HORMAD1: variants seen among roughly 807,000 people sequenced by gnomAD.
HORMAD1 encodes HORMA domain containing 1.
Under a neutral mutation model 58.2 loss-of-function variants are expected in HORMAD1, and 33 were observed. That is an observed-to-expected ratio of 0.57 (90% CI 0.43 to 0.76). The LOEUF (loss-of-function observed/expected upper bound fraction) is 0.76. Ranked by LOEUF, HORMAD1 falls within the 30% of genes least tolerant of loss-of-function variation. HORMAD1 has a pLI of 0.00. For missense variants in HORMAD1, 363 were observed against 462.0 expected (o/e 0.79, Z 1.96); for synonymous variants, 137 against 144.6 (o/e 0.95, Z 0.38).
In HORMAD1 at chr1:150,703,459, A is replaced by G. The variant is rs60914460; in HGVS notation, c.949-66T>C. On this transcript the variant is annotated intron_variant, in intron 12 of 14. Coordinates refer to ENST00000361824, the MANE Select transcript of HORMAD1 (RefSeq NM_032132.5). ...ATAAAACCTTTTCATAACACAATAA[A>G]TGGGGTCCAAAAATTTAACCACATA... 5.1e-3 allele frequency: 4,261 copies of G among 839,868 alleles called. 126 individuals are homozygous for G. The African/African-American group carries it at 0.066, about 13-fold the overall frequency. The allele number at this position is 839,868 out of a possible 1,614,324, so 52.0% of individuals were successfully genotyped here.
chr1:150,712,272 A>T (rs1651927566), intron 5 of HORMAD1, among the ~76,000 whole-genome samples: 1 of 152,208 alleles, frequency 6.6e-6, no homozygotes, highest in Non-Finnish European at 1.5e-5. Flanking sequence ...AGACCATAGG[A>T]AAAGAAAATC....
intron 3 of HORMAD1, among the ~76,000 whole-genome samples, chr1:150,716,604 TG>T (rs1652085262): frequency 6.6e-6 from 1 of 151,942 alleles, no homozygotes; most frequent in South Asian, 2.1e-4. Flanking sequence ...AGTTTCTTCT[TG>T]GGATGAAGAA....
At chr1:150,710,970 C>G (rs150938732) in intron 7 of HORMAD1, among the ~76,000 whole-genome samples, 2 of 152,106 alleles carry the variant, frequency 1.3e-5, no homozygotes, top group Admixed American at 6.6e-5. Context: ...ATCTGTAAAG[C>G]GGAGATGCTA....
At chr1:150,713,359 A>G (rs11803940) in intron 5 of HORMAD1, among the ~76,000 whole-genome samples, 57,254 of 151,962 alleles carry the variant, frequency 0.38, 11,066 homozygotes, top group South Asian at 0.54. Flanking sequence ...TGCCTAACAC[A>G]TAACGGGCGC....
chr1:150,720,543 T>G (rs1297259474), intron 1 of HORMAD1, among the ~76,000 whole-genome samples: 1 of 152,176 alleles, frequency 6.6e-6, no homozygotes, highest in East Asian at 1.9e-4. Flanking sequence ...TGGAAGAGTT[T>G]ACTAAAGAGG....
intron 12 of HORMAD1, among the ~76,000 whole-genome samples, 169 bp downstream of exon 12, chr1:150,703,949 C>A (rs895423898): frequency 6.6e-6 from 1 of 152,036 alleles, no homozygotes; most frequent in Non-Finnish European, 1.5e-5. Context: ...GTAATATACT[C>A]AAAATTCATC....
chr1:150,720,046 T>C (rs1652200356), intron 1 of HORMAD1, among the ~76,000 whole-genome samples: 1 of 133,850 alleles, frequency 7.5e-6, no homozygotes, highest in African/African-American at 2.7e-5. Context: ...CCCGAGTAGC[T>C]GGGACCACAG....
intron 2 of HORMAD1, among the ~76,000 whole-genome samples, chr1:150,717,724 A>G (rs1652128125): frequency 6.6e-6 from 1 of 152,054 alleles, no homozygotes; most frequent in Non-Finnish European, 1.5e-5. Flanking sequence ...CAAGGTCAGG[A>G]GTTCAAGACC....
chr1:150,709,468 C>T (rs587595310), intron 7 of HORMAD1, among the ~76,000 whole-genome samples: 104 of 152,278 alleles, frequency 6.8e-4, no homozygotes, highest in South Asian at 3.5e-3. Context: ...TAAAAGTCAT[C>T]GCCATTCTCT....
rs1173039100 is a variant in HORMAD1 at position 150,717,232 on chromosome 1, C to T, written c.84G>A (p.Val28=). Residue 28 remains valine (V), a synonymous_variant, in exon 3 of 15, where the codon GTG becomes GTA. Coordinates refer to ENST00000361824, the MANE Select transcript of HORMAD1 (RefSeq NM_032132.5). ...NKISTEHQSL[V]LVKRLLAVSV... ...AAACTGCTAGAAGCCTCTTCACTAA[C>T]ACCAAAGACTGGTGTTCAGTTGATA... The T allele has an allele frequency of 6.3e-7, 1 of 1,595,924 alleles. No homozygotes were observed. Among genetic ancestry groups the T allele is most frequent in the East Asian group, 2.3e-5 (1 of 44,248 alleles).
intron 10 of HORMAD1, among the ~76,000 whole-genome samples, chr1:150,705,991 C>T (rs1353864722): frequency 1.3e-5 from 2 of 152,180 alleles, no homozygotes; most frequent in African/African-American, 4.8e-5. Context: ...CTCTTTTATA[C>T]TTCTATTCAT....
chr1:150,712,032 C>A (rs1407320853), intron 5 of HORMAD1, among the ~76,000 whole-genome samples, 179 bp from the exon 6 acceptor site: 1 of 152,258 alleles, frequency 6.6e-6, no homozygotes, highest in South Asian at 2.1e-4. Flanking sequence ...GCTTCCCTAT[C>A]CCCTGAAATA....
chr1:150,704,028 G>T, intron 12 of HORMAD1, 90 bp downstream of exon 12: 1 of 787,194 alleles, frequency 1.3e-6, no homozygotes, highest in Non-Finnish European at 2.0e-6. Flanking sequence ...AAAAGACCTG[G>T]AATAAGAAAA....
At chr1:150,711,968 A>G (rs1351371954) in intron 5 of HORMAD1, 115 bp from the exon 6 acceptor site, 1 of 735,948 alleles carries the variant, frequency 1.4e-6, no homozygotes, top group East Asian at 2.7e-5. Flanking sequence ...ACAAATAATC[A>G]TTGCAGATCT....
chr1:150,710,238 C>G (rs1255782649), intron 7 of HORMAD1, among the ~76,000 whole-genome samples: 1 of 152,010 alleles, frequency 6.6e-6, no homozygotes, highest in Non-Finnish European at 1.5e-5. Context: ...ATGGAAGGAA[C>G]TCCTTAGCAG....
At chr1:150,714,706 G>C in intron 3 of HORMAD1, 28 bp from the exon 4 acceptor site, 1 of 1,179,540 alleles carries the variant, frequency 8.5e-7, no homozygotes. Context: ...GAAATATAGA[G>C]TTACTTAAGA....
intron 10 of HORMAD1, among the ~76,000 whole-genome samples, chr1:150,704,739 CACAA>C (rs1282452751): frequency 6.6e-6 from 1 of 152,072 alleles, no homozygotes; most frequent in South Asian, 2.1e-4. Flanking sequence ...CTGACTCAAA[CACAA>C]ACAAACAAAA....
chr1:150,699,010 G>C (rs890623097), intron 14 of HORMAD1: 9 of 247,032 alleles, frequency 3.6e-5, no homozygotes, highest in Admixed American at 2.7e-4. Flanking sequence ...CCTCAAAATA[G>C]CCAAATATTT....
In HORMAD1 at chr1:150,698,526, A is replaced by C; in HGVS notation, c.*128T>G. The C allele has an allele frequency of 2.2e-6, 1 of 452,132 alleles. No individual in the cohort carries two copies. The highest frequency in any genetic ancestry group is 4.0e-6 in the Non-Finnish European group (1 of 251,162). The allele number at this position is 452,132 out of a possible 1,614,324, so 28.0% of individuals were successfully genotyped here. A position where few individuals can be genotyped will look rare whatever the true frequency, so the allele number is the denominator to read the frequency against. ...GACCACAATATGACAGTCAGCCAAA[A>C]ACTTAGTTTTAGTGTACAAACTGCT... On this transcript the variant is annotated 3_prime_UTR_variant, in exon 15 of 15. Coordinates refer to ENST00000361824, the MANE Select transcript of HORMAD1 (RefSeq NM_032132.5).
Sources: allele counts gnomAD v4.1 joint callset (sites outside exome capture counted in the v4.1 genomes callset), GRCh38; gene constraint gnomAD v4.1.1; transcripts MANE v1.5; gene names NCBI Gene and HGNC (gene_info 2026-07-23, HGNC 2026-07-21).